The following SYNPO2 variants were observed in gnomAD, a reference collection of about 807,000 sequenced individuals.
SYNPO2 encodes synaptopodin-2.
A neutral mutation model predicts 85.0 loss-of-function variants in SYNPO2; 56 were observed. That is an observed-to-expected ratio of 0.66 (90% confidence interval 0.53 to 0.82). The LOEUF is 0.82. Among genes scored for constraint, SYNPO2 ranks in the 40% least tolerant of loss-of-function variants. SYNPO2 has a pLI of 0.00. For missense variants in SYNPO2, 1,575 were observed against 1,534.2 expected (o/e 1.03, Z -0.44); for synonymous variants, 602 against 591.1 (o/e 1.02, Z -0.27).
chr4:118,975,463 G>C (rs1735687477), intron 1 of SYNPO2, among the ~76,000 whole-genome samples: 1 of 152,100 alleles, frequency 6.6e-6, no homozygotes, highest in Non-Finnish European at 1.5e-5. Context: ...CCATTATGAG[G>C]AACTTAAGGA....
intron 1 of SYNPO2, among the ~76,000 whole-genome samples, chr4:118,948,806 C>A (rs1336537997): frequency 2.0e-5 from 3 of 152,156 alleles, no homozygotes; most frequent in Non-Finnish European, 4.4e-5. Context: ...TCCCACTAGG[C>A]CCCACCTCCA....
chr4:118,855,782 G>C (rs567771766), intron 1 of SYNPO2, among the ~76,000 whole-genome samples: 68 of 152,224 alleles, frequency 4.5e-4, no homozygotes, highest in African/African-American at 1.6e-3. Flanking sequence ...CATTTTTACT[G>C]TCTATTGATT....
chr4:118,853,407 G>T (rs1731453493), intron 1 of SYNPO2, among the ~76,000 whole-genome samples: 1 of 152,028 alleles, frequency 6.6e-6, no homozygotes, highest in African/African-American at 2.4e-5. Context: ...TAAATAAGTA[G>T]TATTAAGCAT....
chr4:118,983,655 T>G (rs1483674835), intron 1 of SYNPO2, among the ~76,000 whole-genome samples: 2 of 152,204 alleles, frequency 1.3e-5, no homozygotes, highest in Admixed American at 1.3e-4. Context: ...TACTTCCTCC[T>G]TGATATAAGA....
chr4:119,049,641 T>A (rs1377427404), intron 4 of SYNPO2, among the ~76,000 whole-genome samples: 1 of 152,256 alleles, frequency 6.6e-6, no homozygotes, highest in Non-Finnish European at 1.5e-5. Flanking sequence ...TCTTTTTGCA[T>A]GTCAAGTGTT....
intron 1 of SYNPO2, among the ~76,000 whole-genome samples, chr4:118,914,019 C>T (rs1348730352): frequency 2.0e-5 from 3 of 151,910 alleles, no homozygotes; most frequent in Non-Finnish European, 2.9e-5. Flanking sequence ...TTCTAGATCA[C>T]GCCCATAGCA....
chr4:118,906,022 C>T (rs1732924610), intron 1 of SYNPO2, among the ~76,000 whole-genome samples: 1 of 152,020 alleles, frequency 6.6e-6, no homozygotes, highest in South Asian at 2.1e-4. Context: ...TAGTTCTTGG[C>T]ATATTACAAA....
upstream of SYNPO2, among the ~76,000 whole-genome samples, chr4:118,887,044 T>C (rs1284396080): frequency 1.3e-5 from 2 of 152,206 alleles, no homozygotes; most frequent in East Asian, 3.8e-4. Flanking sequence ...ACTGTTTGTA[T>C]GGAGTTTGAA....
intron 4 of SYNPO2, chr4:119,038,399 T>C (rs985585820): frequency 2.0e-6 from 2 of 985,260 alleles, no homozygotes; most frequent in African/African-American, 3.5e-5. Context: ...TACAGCAATG[T>C]TGTGTGACTT....
chr4:118,873,280 C>A (rs753414804), intron 1 of SYNPO2, among the ~76,000 whole-genome samples: 6 of 152,110 alleles, frequency 3.9e-5, no homozygotes, highest in Non-Finnish European at 5.9e-5. Flanking sequence ...TATTGTTTTC[C>A]ACAGAGGTTG....
chr4:118,922,495 C>G (rs1362325939), intron 1 of SYNPO2, among the ~76,000 whole-genome samples: 1 of 151,830 alleles, frequency 6.6e-6, no homozygotes, highest in Non-Finnish European at 1.5e-5. Context: ...AGTTTACTTA[C>G]TAGCTTGATG....
At chr4:118,890,728 T>TCTCTCTCC (rs1169616097) in intron 1 of SYNPO2, among the ~76,000 whole-genome samples, 1 of 146,846 alleles carries the variant, frequency 6.8e-6, no homozygotes, top group Middle Eastern at 3.2e-3. Flanking sequence ...TCTCTCTCTC[T>TCTCTCTCC]CTCTCTGTGT....
Position 118,895,892 on chromosome 4 carries a change from T to G in SYNPO2, c.105+6751T>G, listed in dbSNP as rs565808845. ...TAAGAATATAAACGAATTTATATAT[T>G]TGGCTAAAAATACTTCACATGTGTA... On this transcript the variant is annotated intron_variant, in intron 1 of 4. Transcript: ENST00000307142. Among the ~76,000 whole-genome samples the G allele has an allele frequency of 9.7e-4, 148 of 152,326 alleles. 1 individual carries two copies. Among genetic ancestry groups the G allele is most frequent in the African/African-American group, 3.4e-3 (142 of 41,564 alleles).
At chr4:119,029,410 G>C (rs1396549309) in intron 3 of SYNPO2, among the ~76,000 whole-genome samples, 1 of 152,008 alleles carries the variant, frequency 6.6e-6, no homozygotes, top group Non-Finnish European at 1.5e-5. Context: ...AAGATTCCTG[G>C]AAACAGTTTT....
chr4:119,009,557 C>T (rs955209446), intron 1 of SYNPO2, among the ~76,000 whole-genome samples: 4 of 152,040 alleles, frequency 2.6e-5, no homozygotes, highest in African/African-American at 9.7e-5. Context: ...TAATTGATTG[C>T]CCCCCAAAAT....
In SYNPO2 at chr4:119,030,236, C is replaced by G; in HGVS notation, c.1461C>G (p.Thr487=). Residue 487 remains threonine (T), a synonymous_variant, in exon 4 of 5, where the codon ACC becomes ACG. Transcript: ENST00000307142. ...RGDKMEMLPD[T]TGKGALMFAK... is the part of the protein sequence containing the mutation. Reference sequence around the variant, plus strand: ...ACAAGATGGAGATGTTACCAGACACCACAGGCAAGGGAGCCCTCATGTTTG... The same window carrying G: ...ACAAGATGGAGATGTTACCAGACACGACAGGCAAGGGAGCCCTCATGTTTG... The G allele has an allele frequency of 6.2e-7, 1 of 1,613,880 alleles. No individual in the cohort carries two copies. The highest frequency in any genetic ancestry group is 1.1e-5 in the South Asian group (1 of 91,052).
At position 119,030,667 on chromosome 4, in the gene SYNPO2, C is replaced by T; in HGVS notation, c.1892C>T (p.Ala631Val). 1 of 1,614,186 alleles carries T rather than the reference C, an allele frequency of 6.2e-7. No homozygotes were observed. Among genetic ancestry groups the T allele is most frequent in the Non-Finnish European group, 8.5e-7 (1 of 1,180,032 alleles). ...TCTGCAGTCACTCCTCCCCCTGACG[C>T]CTTCTCCAGAGGGGTTTCAAGTCCG... ...PYSAVTPPPD[A>V]FSRGVSSPIA... The change falls in exon 4 of 5, where the codon GCC becomes GTC. Residue 631 changes from alanine to valine, a missense_variant. Coordinates refer to ENST00000307142, the MANE Select transcript of SYNPO2 (RefSeq NM_133477.3).
At chr4:118,993,657 C>G (rs1004679091) in intron 1 of SYNPO2, among the ~76,000 whole-genome samples, 1 of 152,184 alleles carries the variant, frequency 6.6e-6, no homozygotes, top group Non-Finnish European at 1.5e-5. Context: ...GGTTTTCCCC[C>G]TATATGACCT....
chr4:119,035,244 G>A, intron 4 of SYNPO2: 8 of 985,312 alleles, frequency 8.1e-6, no homozygotes, highest in South Asian at 4.7e-5. Flanking sequence ...TCTTCCTGAC[G>A]GGAATGTTGT....
Sources: gnomAD v4.1 joint callset for allele counts (sites outside exome capture counted in the v4.1 genomes callset) on GRCh38, gnomAD v4.1.1 for gene constraint, MANE v1.5 for transcripts, NCBI Gene and HGNC (gene_info 2026-07-23, HGNC 2026-07-21) for gene names.